The following EEF2K variants were observed in gnomAD, a reference collection of about 807,000 sequenced individuals.
The protein encoded by EEF2K is alternative protein EEF2K.
EEF2K carries 70 observed loss-of-function variants against 93.8 expected under a neutral mutation model. The ratio of observed to expected loss-of-function variants is 0.75; its 90% CI spans 0.62 to 0.91. The LOEUF is 0.91. Ranked by LOEUF, EEF2K falls within the 40% of genes least tolerant of loss-of-function variation. EEF2K has a pLI of 0.00. For missense variants in EEF2K, 935 were observed against 972.9 expected, an observed-to-expected ratio of 0.96 and a Z score of 0.52; for synonymous variants, 376 against 380.8, an observed-to-expected ratio of 0.99 and a Z score of 0.15.
intron 2 of EEF2K, among the ~76,000 whole-genome samples, chr16:22,242,424 G>A (rs1308501930): frequency 2.6e-5 from 4 of 151,254 alleles, no homozygotes; most frequent in African/African-American, 4.9e-5. Context: ...TGGTTCAAGC[G>A]ATTTTCCTGC....
chr16:22,216,794 G>A (rs891681735), intron 1 of EEF2K, among the ~76,000 whole-genome samples: 2 of 151,976 alleles, frequency 1.3e-5, no homozygotes, highest in African/African-American at 4.8e-5. Flanking sequence ...AAGGGAAGTA[G>A]TAAGGGGAAG....
intron 3 of EEF2K, among the ~76,000 whole-genome samples, chr16:22,247,116 C>A (rs2047302539): frequency 6.7e-6 from 1 of 148,774 alleles, no homozygotes; most frequent in Admixed American, 6.7e-5. Flanking sequence ...ACTAGAACCC[C>A]TTTTTCCCAA....
At chr16:22,218,246 G>A (rs543749872) in intron 1 of EEF2K, among the ~76,000 whole-genome samples, 3 of 152,228 alleles carry the variant, frequency 2.0e-5, no homozygotes, top group South Asian at 2.1e-4. Context: ...AAGCTGGTGC[G>A]TGATTCCAGG....
rs1304142996 is a variant in EEF2K, at chr16:22,258,417, A to G, written c.1030-77A>G. ...CTGTGGATGAAGGGGTTTCAGGGTT[A>G]GAGGGAACAACAGGAAGAGCCCTTT... On this transcript the variant is annotated intron_variant, in intron 9 of 17. Transcript: ENST00000263026. 9 of 1,476,386 alleles carry G rather than the reference A, an allele frequency of 6.1e-6. 1 individual carries two copies. The highest frequency in any genetic ancestry group is 7.5e-6 in the Non-Finnish European group (8 of 1,071,634). The allele number at this position is 1,476,386 out of a possible 1,614,324, so 91.5% of individuals were successfully genotyped here.
At chr16:22,224,649 AAAAG>A (rs2047045034) in intron 1 of EEF2K, among the ~76,000 whole-genome samples, 1 of 99,396 alleles carries the variant, frequency 1.0e-5, no homozygotes. Flanking sequence ...AAAAAAAAAG[AAAAG>A]AAAAGAAAAA....
At chr16:22,278,334 T>C (rs1458092516) in intron 16 of EEF2K, among the ~76,000 whole-genome samples, 7 of 152,126 alleles carry the variant, frequency 4.6e-5, no homozygotes, top group Non-Finnish European at 1.0e-4. Flanking sequence ...CTCTCAAAGA[T>C]CCCAACTCCT....
chr16:22,283,308 CAAAAAAAAAAAA>C (rs10540234), intron 17 of EEF2K, among the ~76,000 whole-genome samples: 11 of 75,870 alleles, frequency 1.4e-4, no homozygotes, highest in Non-Finnish European at 3.0e-4. Context: ...GACTCCATCT[CAAAAAAAAAAAA>C]AAAAAAAAAA....
Position 22,284,050 on chromosome 16 carries a change from A to G in EEF2K, c.*54A>G, listed in dbSNP as rs1469344833. The G allele has an allele frequency of 9.8e-6, 14 of 1,435,348 alleles. No homozygotes were observed. The highest frequency in any genetic ancestry group is 1.4e-5 in the African/African-American group (1 of 69,814). 88.9% of individuals were successfully genotyped at this position (1,435,348 alleles called of 1,614,324 possible). A position where few individuals can be genotyped will look rare whatever the true frequency, so the allele number is the denominator to read the frequency against. ...AGCAAACGGGCTAGGAGGAAAGATT[A>G]AAAAAACAACAACAACAACTTATTT... On this transcript the variant is annotated 3_prime_UTR_variant, in exon 18 of 18. Transcript: ENST00000263026.
Position 22,285,066 on chromosome 16 carries a change from C to G in EEF2K, c.*1070C>G, listed in dbSNP as rs1555476418. 2.0e-5 allele frequency: 3 copies of G among 152,628 alleles called. No homozygotes were observed. In the South Asian group the frequency reaches 6.2e-4, roughly 32 times the overall value. The allele number at this position is 152,628 out of a possible 1,614,324, so 9.5% of individuals were successfully genotyped here. A position where few individuals can be genotyped will look rare whatever the true frequency, so the allele number is the denominator to read the frequency against. Reference sequence around the variant, plus strand: ...TTTTGTATGCACACGTTTACTACCTCTAACTCCTACATCAGCTAGTGTGGA... The same window carrying G: ...TTTTGTATGCACACGTTTACTACCTGTAACTCCTACATCAGCTAGTGTGGA... On this transcript the variant is annotated 3_prime_UTR_variant, in exon 18 of 18. Transcript: ENST00000263026.
At chr16:22,272,021 A>G (rs2047587308) in intron 15 of EEF2K, among the ~76,000 whole-genome samples, 1 of 152,258 alleles carries the variant, frequency 6.6e-6, no homozygotes, top group African/African-American at 2.4e-5. Context: ...TCACAATAGA[A>G]TAGCTACAGG....
chr16:22,275,261 G>T (rs567186938), intron 16 of EEF2K, among the ~76,000 whole-genome samples: 39 of 151,928 alleles, frequency 2.6e-4, no homozygotes, highest in African/African-American at 9.4e-4. Context: ...ACTTGTAAAA[G>T]TTCTTTATAT....
intron 16 of EEF2K, among the ~76,000 whole-genome samples, chr16:22,278,308 A>ATT (rs1298838862): frequency 2.0e-4 from 30 of 152,300 alleles, no homozygotes; most frequent in African/African-American, 6.5e-4. Context: ...GGGCAGAACC[A>ATT]TCAAAGCCCA....
At chr16:22,234,333 G>C (rs1451659732) in intron 2 of EEF2K, among the ~76,000 whole-genome samples, 1 of 152,122 alleles carries the variant, frequency 6.6e-6, no homozygotes, top group Non-Finnish European at 1.5e-5. Flanking sequence ...GAGGCTGGTG[G>C]ATCACCTGAG....
chr16:22,263,213 C>G (rs140107430), intron 12 of EEF2K, 26 bp downstream of exon 12: 1 of 1,595,474 alleles, frequency 6.3e-7, no homozygotes, highest in East Asian at 2.3e-5. Context: ...GAAATGAGAC[C>G]GGTGTCACCT....
chr16:22,285,217 A>C lies in EEF2K; in HGVS notation c.*1221A>C, dbSNP rs183203156. On this transcript the variant is annotated 3_prime_UTR_variant, in exon 18 of 18. Transcript: ENST00000263026. ...CCACAACGTGACTGCAATGTCTCTT[A>C]TACAGTATTCCTTGGTGTTTTCTTA... 6.6e-6 allele frequency: 1 copy of C among 152,482 alleles called. No individual in the cohort carries two copies. Among genetic ancestry groups the C allele is most frequent in the East Asian group, 1.9e-4 (1 of 5,180 alleles). The allele number at this position is 152,482 out of a possible 1,614,324, so 9.4% of individuals were successfully genotyped here.
chr16:22,245,522 C>T (rs749484856), intron 3 of EEF2K, among the ~76,000 whole-genome samples: 1 of 152,010 alleles, frequency 6.6e-6, no homozygotes, highest in African/African-American at 2.4e-5. Context: ...AACCTGTTCT[C>T]ACCGAGGGTG....
Position 22,251,220 on chromosome 16 carries a change from C to T in EEF2K, c.516C>T (p.Tyr172=), listed in dbSNP as rs377747666. ...CCTCCAACTACGTGGCGAAGCGCTA[C>T]ATCGAGCCCGTAGACCGGGATGTGT... is the stretch of plus-strand genomic sequence containing the variant. The part of the protein sequence containing the change: ...KGASNYVAKR[Y]IEPVDRDVYF... Residue 172 remains tyrosine, a synonymous_variant, in exon 6 of 18, where the codon TAC becomes TAT. Transcript: ENST00000263026. 3.7e-6 allele frequency: 6 copies of T among 1,614,136 alleles called. No homozygotes were observed. The highest frequency in any genetic ancestry group is 3.4e-6 in the Non-Finnish European group (4 of 1,180,006).
intron 6 of EEF2K, among the ~76,000 whole-genome samples, chr16:22,252,485 G>A (rs1428078282): frequency 6.6e-6 from 1 of 152,174 alleles, no homozygotes; most frequent in East Asian, 1.9e-4. Flanking sequence ...CTCTGATTAA[G>A]TCAGATCCCT....
At chr16:22,222,794 G>A (rs1002028028) in intron 1 of EEF2K, among the ~76,000 whole-genome samples, 3 of 151,546 alleles carry the variant, frequency 2.0e-5, no homozygotes, top group African/African-American at 2.4e-5. Context: ...TGAGGCAGGA[G>A]AATCACTTGA....
Sources: allele counts gnomAD v4.1 joint callset (sites outside exome capture counted in the v4.1 genomes callset), GRCh38; gene constraint gnomAD v4.1.1; transcripts MANE v1.5; gene names NCBI Gene and HGNC (gene_info 2026-07-23, HGNC 2026-07-21).